The following MYO1E variants were observed in gnomAD, a reference collection of about 807,000 sequenced individuals.
The protein encoded by MYO1E is myosin IE.
MYO1E carries 68 observed loss-of-function variants against 151.1 expected under a neutral mutation model. The observed-to-expected ratio is 0.45, with a 90% CI of 0.37 to 0.55. The LOEUF (loss-of-function observed/expected upper bound fraction) is 0.55. Among genes scored for constraint, MYO1E ranks in the 20% least tolerant of loss-of-function variants. The probability of loss-of-function intolerance (pLI) is 0.00; values close to 1 mark genes in which losing one functional copy is unlikely to be tolerated. For synonymous variants in MYO1E, 601 were observed against 501.7 expected, an observed-to-expected ratio of 1.20 and a Z score of -2.64; for missense variants, 1,363 against 1,389.3, an observed-to-expected ratio of 0.98 and a Z score of 0.30.
rs116159370 is a variant in MYO1E, at chr15:59,311,351, G to A, written c.4-38902C>T. Among the ~76,000 whole-genome samples the A allele has an allele frequency of 5.1e-3, 778 of 152,166 alleles. 5 individuals are homozygous for A. The highest frequency in any genetic ancestry group is 0.018 in the African/African-American group (745 of 41,490). The stretch of plus-strand genomic sequence containing the variant: ...CCTCACATGCGCAGTTCATAACAGG[G>A]TTCGGGCTCCTATGAGAATCTAATG... On this transcript the variant is annotated intron_variant, in intron 1 of 27. Transcript: ENST00000288235.
intron 2 of MYO1E, 152 bp from the exon 3 acceptor site, chr15:59,261,661 C>T (rs2080225143): frequency 1.6e-6 from 1 of 630,446 alleles, no homozygotes; most frequent in Admixed American, 2.4e-5. Flanking sequence ...AAGACGAAAG[C>T]AATCATCCAA....
chr15:59,172,381 A>C (rs2079600877), intron 21 of MYO1E, among the ~76,000 whole-genome samples: 1 of 152,180 alleles, frequency 6.6e-6, no homozygotes. Flanking sequence ...AGACATGGTC[A>C]ATGTGATGAC....
chr15:59,151,373 T>TG (rs1415070881), intron 26 of MYO1E, among the ~76,000 whole-genome samples: 2 of 151,964 alleles, frequency 1.3e-5, no homozygotes, highest in African/African-American at 4.8e-5. Context: ...GAGGTTGCAG[T>TG]GAGCTGAGAT....
At chr15:59,293,992 T>C (rs1342606624) in intron 1 of MYO1E, among the ~76,000 whole-genome samples, 1 of 152,038 alleles carries the variant, frequency 6.6e-6, no homozygotes, top group Non-Finnish European at 1.5e-5. Flanking sequence ...CAGTGAGCCA[T>C]GATTGTACCA....
At chr15:59,284,966 T>C (rs1455566047) in intron 1 of MYO1E, among the ~76,000 whole-genome samples, 1 of 152,190 alleles carries the variant, frequency 6.6e-6, no homozygotes, top group Non-Finnish European at 1.5e-5. Flanking sequence ...ACACTGATGT[T>C]AGTCCCTGTC....
At chr15:59,209,577 G>A (rs2079864094) in intron 13 of MYO1E, among the ~76,000 whole-genome samples, 1 of 152,042 alleles carries the variant, frequency 6.6e-6, no homozygotes, top group Non-Finnish European at 1.5e-5. Flanking sequence ...TCAGGAGGCT[G>A]AGACAGGAGA....
In MYO1E at chr15:59,311,388, C is replaced by T. The variant is rs551835720; in HGVS notation, c.4-38939G>A. 5.9e-5 allele frequency among the ~76,000 whole-genome samples: 9 copies of T among 152,250 alleles called. No homozygotes were observed. In the East Asian group the frequency reaches 1.5e-3, roughly 26 times the overall value. On this transcript the variant is annotated intron_variant, in intron 1 of 27. Coordinates refer to ENST00000288235, the MANE Select transcript of MYO1E (RefSeq NM_004998.4). ...ATGAGAATCTAATGCCGCCACTGAT[C>T]TGACAGGAGGCAGAGCTCAGACAGT... is the stretch of plus-strand genomic sequence containing the variant.
chr15:59,342,647 C>T (rs904439200), intron 1 of MYO1E, among the ~76,000 whole-genome samples: 2 of 152,128 alleles, frequency 1.3e-5, no homozygotes, highest in South Asian at 4.1e-4. Context: ...CTTACTCCTG[C>T]CACTTTGTTA....
At chr15:59,140,792 G>A (rs2079404197) in intron 26 of MYO1E, among the ~76,000 whole-genome samples, 1 of 152,196 alleles carries the variant, frequency 6.6e-6, no homozygotes, top group South Asian at 2.1e-4. Context: ...TCCCCAGGAG[G>A]GGCTGGGCGC....
intron 16 of MYO1E, among the ~76,000 whole-genome samples, chr15:59,198,436 C>G (rs1261458619): frequency 6.6e-6 from 1 of 152,194 alleles, no homozygotes; most frequent in Non-Finnish European, 1.5e-5. Flanking sequence ...CTAGATTTCT[C>G]TGGTCCTCAG....
rs1491073271 is a variant in MYO1E at position 59,191,370 on chromosome 15, A to AGAGAGAGAGAGAG, written c.1806-3155_1806-3154insCTCTCTCTCTCTC. Reference sequence around the variant, plus strand: ...AGAGAGAGAGAGAGAGAGAGAGAGAAAGAAATGTCATGTCAATTAAAAAGG... The same window carrying AGAGAGAGAGAGAG: ...AGAGAGAGAGAGAGAGAGAGAGAGAAGAGAGAGAGAGAGAGAAATGTCATGTCAATTAAAAAGG... On this transcript the variant is annotated intron_variant, in intron 17 of 27. Coordinates refer to ENST00000288235, the MANE Select transcript of MYO1E (RefSeq NM_004998.4). Among the ~76,000 whole-genome samples, 147 of 123,316 alleles carry AGAGAGAGAGAGAG rather than the reference A, an allele frequency of 1.2e-3. 1 individual carries two copies. Among genetic ancestry groups the AGAGAGAGAGAGAG allele is most frequent in the African/African-American group, 3.6e-3 (87 of 24,186 alleles). The allele number at this position is 123,316 out of a possible 152,430, so 80.9% of individuals were successfully genotyped here. A position where few individuals can be genotyped will look rare whatever the true frequency, so the allele number is the denominator to read the frequency against.
intron 15 of MYO1E, 85 bp downstream of exon 15, chr15:59,205,315 A>T: frequency 1.5e-6 from 2 of 1,330,078 alleles, no homozygotes; most frequent in Non-Finnish European, 2.2e-6. Flanking sequence ...GGAACACACC[A>T]CCACACCCAG....
chr15:59,201,401 A>ATT (rs35807865), intron 16 of MYO1E, among the ~76,000 whole-genome samples: 60 of 113,202 alleles, frequency 5.3e-4, no homozygotes, highest in Middle Eastern at 4.5e-3. Flanking sequence ...GCTGACACAG[A>ATT]TTTTTTTTTT....
intron 26 of MYO1E, among the ~76,000 whole-genome samples, chr15:59,141,617 G>A (rs974347791): frequency 2.0e-5 from 3 of 152,232 alleles, no homozygotes; most frequent in East Asian, 3.9e-4. Flanking sequence ...TGGCCAACAT[G>A]GCGAAACCCG....
intron 1 of MYO1E, among the ~76,000 whole-genome samples, chr15:59,348,220 C>A (rs2080805127): frequency 6.6e-6 from 1 of 152,166 alleles, no homozygotes; most frequent in Non-Finnish European, 1.5e-5. Context: ...GCTAGTCACA[C>A]AAAGGCTTAC....
rs995952167 is a variant in MYO1E, at chr15:59,137,467, A to G, written c.3251-11T>C. On this transcript the variant is annotated splice_polypyrimidine_tract_variant and intron_variant, in intron 27 of 27. Coordinates refer to ENST00000288235, the MANE Select transcript of MYO1E (RefSeq NM_004998.4). ...ACCAGCCAGAAGGATCTGCAGGGAGAGAGAGGTGGTGGAAGTGAAGATGAG... is the reference window on the plus strand; with the variant it reads ...ACCAGCCAGAAGGATCTGCAGGGAGGGAGAGGTGGTGGAAGTGAAGATGAG... The G allele has an allele frequency of 3.7e-6, 6 of 1,613,320 alleles. No homozygotes were observed. The highest frequency in any genetic ancestry group is 2.7e-5 in the African/African-American group (2 of 75,012).
At chr15:59,289,712 T>G (rs2080407955) in intron 1 of MYO1E, among the ~76,000 whole-genome samples, 1 of 152,214 alleles carries the variant, frequency 6.6e-6, no homozygotes. Flanking sequence ...GTTAGAGATC[T>G]CTGGCTGTAG....
rs771050902 is a variant in MYO1E at position 59,149,794 on chromosome 15, T to C, written c.3080+3796A>G. Among the ~76,000 whole-genome samples, 7 of 152,328 alleles carry C rather than the reference T, an allele frequency of 4.6e-5. No individual in the cohort carries two copies. In the Middle Eastern group the frequency reaches 0.014, roughly 296 times the overall value. The stretch of plus-strand genomic sequence containing the variant: ...TGTGAAAGCCAGGAAAGAAAGACCA[T>C]AGTAATCCTACTTTTATAGATTGGT... On this transcript the variant is annotated intron_variant, in intron 26 of 27. Transcript: ENST00000288235.
intron 4 of MYO1E, among the ~76,000 whole-genome samples, chr15:59,250,447 A>G (rs144693559): frequency 7.4e-4 from 112 of 152,264 alleles, no homozygotes; most frequent in African/African-American, 2.4e-3. Flanking sequence ...AGCGCTGTCC[A>G]TGACTCCACA....
Sources: gnomAD v4.1 joint callset for allele counts (sites outside exome capture counted in the v4.1 genomes callset) on GRCh38, gnomAD v4.1.1 for gene constraint, MANE v1.5 for transcripts, NCBI Gene and HGNC (gene_info 2026-07-23, HGNC 2026-07-21) for gene names.